TMEM185A: variants seen among roughly 807,000 people sequenced by gnomAD.
The protein encoded by TMEM185A is family with sequence similarity 11, member A.
In TMEM185A, 9 loss-of-function variants were observed where a neutral mutation model predicts 25.0. The observed-to-expected ratio is 0.36, with a 90% CI of 0.22 to 0.63. The LOEUF is 0.63. Ranked by LOEUF, TMEM185A falls within the 20% of genes least tolerant of loss-of-function variation. The pLI, the probability that TMEM185A is intolerant of heterozygous loss-of-function variation, is 0.68. For missense variants in TMEM185A, 103 were observed against 237.4 expected (o/e 0.43, Z 3.72); for synonymous variants, 45 against 93.5 (o/e 0.48, Z 2.99).
At chrX:149,621,651 T>C (rs782065772) in intron 1 of TMEM185A, among the ~76,000 whole-genome samples, 1 of 111,942 alleles carries the variant, frequency 8.9e-6, no homozygotes, top group Non-Finnish European at 1.9e-5. Context: ...TGGGCTAAAC[T>C]TGAGGTGTCA....
At chrX:149,620,300 T>C (rs1410737290) in intron 1 of TMEM185A, among the ~76,000 whole-genome samples, 5 of 112,162 alleles carry the variant, frequency 4.5e-5, no homozygotes, top group Non-Finnish European at 9.4e-5. Flanking sequence ...TGATACTCCA[T>C]GAAAACAGCA....
chrX:149,615,354 AT>A (rs1281266826), intron 1 of TMEM185A, among the ~76,000 whole-genome samples: 1 of 112,312 alleles, frequency 8.9e-6, no homozygotes, highest in African/African-American at 3.2e-5. Flanking sequence ...ATAATGCTTA[AT>A]GGTGAGAGAC....
At position 149,612,814 on chromosome X, in the gene TMEM185A, G is replaced by T. The variant is rs190728878; in HGVS notation, c.39-1351C>A. On this transcript the variant is annotated intron_variant, in intron 1 of 6. Transcript: ENST00000600449. ...TCTTGTGGTTGTAGGACTGAGGTAT[G>T]TGTCTCTTTGCTTGCTGTCACGCAG... Among the ~76,000 whole-genome samples the T allele has an allele frequency of 6.2e-5, 7 of 112,022 alleles. No individual in the cohort carries two copies. The East Asian group carries it at 1.7e-3, about 27-fold the overall frequency.
Position 149,611,292 on chromosome X carries a change from T to C in TMEM185A, c.210A>G (p.Gln70=), listed in dbSNP as rs2090081837. 1 of 1,207,922 alleles carries C rather than the reference T, an allele frequency of 8.3e-7. No homozygotes were observed. The highest frequency in any genetic ancestry group is 1.7e-5 in the African/African-American group (1 of 57,509). The change falls in exon 2 of 7, where the codon CAA becomes CAG. Residue 70 remains glutamine (Q), a synonymous_variant. Transcript: ENST00000600449. ...GTTGTATAAAGCAGTATTACCGATATTGAGGATTTCGTGCCCAGACTCCAG... is the reference window on the plus strand; with the variant it reads ...GTTGTATAAAGCAGTATTACCGATACTGAGGATTTCGTGCCCAGACTCCAG... ...VGTGVWARNP[Q]YRAEGETCVE... is the part of the protein sequence containing the mutation.
intron 1 of TMEM185A, among the ~76,000 whole-genome samples, chrX:149,625,461 GT>G (rs1221318078): frequency 8.9e-6 from 1 of 112,544 alleles, no homozygotes; most frequent in African/African-American, 3.2e-5. Context: ...CCTTTAACCA[GT>G]CCCCTTGGGA....
intron 1 of TMEM185A, among the ~76,000 whole-genome samples, chrX:149,625,847 A>G (rs145525955): frequency 0.021 from 2,369 of 112,228 alleles, 30 homozygotes; most frequent in Middle Eastern, 0.055. Context: ...GAATAACAAC[A>G]CTCATTTGGA....
chrX:149,601,579 G>A (rs1156997534), intron 4 of TMEM185A: 1 of 98,103 alleles, frequency 1.0e-5, no homozygotes, highest in Admixed American at 1.0e-4. Context: ...ATTCATCCAA[G>A]TTGTTCCCTC....
rs1459912433 is a variant in TMEM185A at position 149,631,723 on chromosome X, TCGCCGTCGCCGTCGC to T, written c.-158_-144del. The T allele has an allele frequency of 1.3e-5, 6 of 450,524 alleles. No individual in the cohort carries two copies. Among genetic ancestry groups the T allele is most frequent in the Non-Finnish European group, 1.6e-5 (5 of 319,867 alleles). 37.1% of individuals were successfully genotyped at this position (450,524 alleles called of 1,213,427 possible). ...GCTACTGCTGCCGTCCCCGCTGCCG[TCGCCGTCGCCGTCGC>T]CGCCGCCGCCGCCGCCGCCGCCGCC... On this transcript the variant is annotated 5_prime_UTR_variant, in exon 1 of 7. Coordinates refer to ENST00000600449, the MANE Select transcript of TMEM185A (RefSeq NM_032508.4).
At chrX:149,624,872 G>C (rs140525501) in intron 1 of TMEM185A, among the ~76,000 whole-genome samples, 1,397 of 112,015 alleles carry the variant, frequency 0.012, 21 homozygotes, top group African/African-American at 0.043. Flanking sequence ...GGTCTTGGGT[G>C]AGTTATTTTC....
chrX:149,609,717 C>G (rs1293239756), intron 2 of TMEM185A, among the ~76,000 whole-genome samples: 1 of 112,361 alleles, frequency 8.9e-6, no homozygotes, highest in African/African-American at 3.2e-5. Flanking sequence ...TAGGACCCAA[C>G]CATGTTCCAC....
At chrX:149,628,088 CTT>C (rs1397292197) in intron 1 of TMEM185A, among the ~76,000 whole-genome samples, 1 of 111,927 alleles carries the variant, frequency 8.9e-6, no homozygotes, top group East Asian at 2.8e-4. Flanking sequence ...ACTTCTCAGC[CTT>C]TGTTCCAGTC....
chrX:149,604,730 C>A (rs1260390663), intron 3 of TMEM185A, among the ~76,000 whole-genome samples: 1 of 111,688 alleles, frequency 9.0e-6, no homozygotes, highest in Non-Finnish European at 1.9e-5. Flanking sequence ...CCATTCCCAG[C>A]TTCCTTGTGA....
At chrX:149,607,656 G>C (rs1290762237) in intron 3 of TMEM185A, among the ~76,000 whole-genome samples, 1 of 112,342 alleles carries the variant, frequency 8.9e-6, no homozygotes, top group East Asian at 2.8e-4. Context: ...AAAAGGGCTT[G>C]GCATCTAGTA....
At chrX:149,629,390 A>G (rs1346947993) in intron 1 of TMEM185A, among the ~76,000 whole-genome samples, 3 of 111,577 alleles carry the variant, frequency 2.7e-5, no homozygotes, top group Non-Finnish European at 3.8e-5. Flanking sequence ...TCCTATAGAG[A>G]AGGCCTTCCT....
At chrX:149,611,823 A>G (rs2090085252) in intron 1 of TMEM185A, among the ~76,000 whole-genome samples, 1 of 111,586 alleles carries the variant, frequency 9.0e-6, no homozygotes, top group African/African-American at 3.3e-5. Flanking sequence ...GGCAAGTAGG[A>G]AGCTGCCAGG....
chrX:149,604,790 C>T (rs918210195), intron 3 of TMEM185A, among the ~76,000 whole-genome samples: 6 of 111,175 alleles, frequency 5.4e-5, no homozygotes, highest in Non-Finnish European at 1.1e-4. Context: ...ATCAAAGTCA[C>T]CGATAACCGG....
chrX:149,606,842 T>G (rs1557353577), intron 3 of TMEM185A: 1 of 112,615 alleles, frequency 8.9e-6, no homozygotes, highest in Non-Finnish European at 1.9e-5. Flanking sequence ...ACTTACTTTC[T>G]GTAATTCAGG....
At chrX:149,619,499 T>G (rs2090128461) in intron 1 of TMEM185A, among the ~76,000 whole-genome samples, 1 of 111,252 alleles carries the variant, frequency 9.0e-6, no homozygotes, top group Non-Finnish European at 1.9e-5. Flanking sequence ...TCTTTTTTTT[T>G]CTTTTTTTTA....
chrX:149,613,971 A>G (rs2090097790), intron 1 of TMEM185A, among the ~76,000 whole-genome samples: 1 of 112,634 alleles, frequency 8.9e-6, no homozygotes, highest in South Asian at 3.6e-4. Flanking sequence ...TAAAAAAATC[A>G]AACTGTTATA....
Sources: gnomAD v4.1 joint callset for allele counts (sites outside exome capture counted in the v4.1 genomes callset) on GRCh38, gnomAD v4.1.1 for gene constraint, MANE v1.5 for transcripts, NCBI Gene and HGNC (gene_info 2026-07-23, HGNC 2026-07-21) for gene names.